The following CAPS2 variants were observed in gnomAD, a reference collection of about 807,000 sequenced individuals.
CAPS2 encodes calcyphosine 2, also known as calcyphosin-2.
A neutral mutation model predicts 86.5 loss-of-function variants in CAPS2; 98 were observed. That is an observed-to-expected ratio of 1.13 (90% CI 0.96 to 1.34). CAPS2 has a LOEUF of 1.34. Among genes scored for constraint, CAPS2 ranks in the 40% most tolerant of loss-of-function variants. The pLI is 0.00. For missense variants in CAPS2, 729 were observed against 686.8 expected, an observed-to-expected ratio of 1.06 and a Z score of -0.69; for synonymous variants, 210 against 225.1, an observed-to-expected ratio of 0.93 and a Z score of 0.60.
At chr12:75,347,649 G>T in intron 1 of CAPS2, 1 of 1,607,766 alleles carries the variant, frequency 6.2e-7, no homozygotes, top group Non-Finnish European at 8.5e-7. Flanking sequence ...ATTTTATGTC[G>T]GTTGTGCAGT....
At chr12:75,314,311 C>T (rs1410721012) in intron 6 of CAPS2, among the ~76,000 whole-genome samples, 1 of 151,880 alleles carries the variant, frequency 6.6e-6, no homozygotes, top group African/African-American at 2.4e-5. Context: ...CTTATTTAGC[C>T]TATATTATAG....
chr12:75,285,280 G>C (rs1452338197), intron 14 of CAPS2, among the ~76,000 whole-genome samples, 200 bp from the exon 15 acceptor site: 1 of 152,008 alleles, frequency 6.6e-6, no homozygotes, highest in East Asian at 1.9e-4. Context: ...GTTCTGTAAA[G>C]TTAGGAGCCA....
chr12:75,326,661 A>G (rs2040816321), upstream of CAPS2: 1 of 560,828 alleles, frequency 1.8e-6, no homozygotes, highest in Non-Finnish European at 3.2e-6. Context: ...ACCAATATCA[A>G]CTTTTTATAG....
At position 75,372,802 on chromosome 12, in the gene CAPS2, T is replaced by C. The variant is rs146929227; in HGVS notation, c.-395+18036A>G. Among the ~76,000 whole-genome samples, 404 of 152,344 alleles carry C rather than the reference T, an allele frequency of 2.7e-3. 2 individuals carry two copies. The highest frequency in any genetic ancestry group is 9.4e-3 in the African/African-American group (392 of 41,582). On this transcript the variant is annotated intron_variant, in intron 1 of 5. Coordinates refer to the CAPS2 transcript ENST00000551829. ...TGGGGAACACGGTAAGACCAGTGAATTCCATGAGCATGAGCCCACTGTTGC... is the reference window on the plus strand; with the variant it reads ...TGGGGAACACGGTAAGACCAGTGAACTCCATGAGCATGAGCCCACTGTTGC...
chr12:75,379,071 TTAA>T (rs36004811), intron 1 of CAPS2, among the ~76,000 whole-genome samples: 1,746 of 152,348 alleles, frequency 0.011, 26 homozygotes, highest in Non-Finnish European at 0.013. Context: ...AACATTTTCA[TTAA>T]TAATTAAAAC....
chr12:75,388,493 G>A (rs1366169936), intron 1 of CAPS2, among the ~76,000 whole-genome samples: 1 of 152,120 alleles, frequency 6.6e-6, no homozygotes, highest in African/African-American at 2.4e-5. Flanking sequence ...GAAAAGACAT[G>A]GAAGAAATTT....
intron 1 of CAPS2, among the ~76,000 whole-genome samples, chr12:75,379,532 C>G (rs1476353922): frequency 2.0e-5 from 3 of 152,064 alleles, no homozygotes; most frequent in African/African-American, 7.2e-5. Context: ...TTTAAGTAAC[C>G]CTCCTATTTC....
At chr12:75,334,918 G>C (rs769827041), upstream of CAPS2, 86 of 1,609,786 alleles carry the variant, frequency 5.3e-5, 1 homozygote, top group South Asian at 6.5e-4. Flanking sequence ...AAAGAACCAG[G>C]GCTGGGCTCT....
chr12:75,280,712 T>A (rs1328184658), intron 16 of CAPS2, among the ~76,000 whole-genome samples: 1 of 151,912 alleles, frequency 6.6e-6, no homozygotes, highest in Admixed American at 6.6e-5. Context: ...CTGTAGTTTA[T>A]TTAATGTTAT....
At chr12:75,306,056 C>G (rs940810834) in intron 7 of CAPS2, 13 of 1,465,450 alleles carry the variant, frequency 8.9e-6, no homozygotes, top group East Asian at 4.6e-5. Context: ...GAGACAGCGC[C>G]GTCTAGAACG....
At chr12:75,301,041 A>G (rs2037752348) in intron 8 of CAPS2, among the ~76,000 whole-genome samples, 1 of 152,210 alleles carries the variant, frequency 6.6e-6, no homozygotes, top group Non-Finnish European at 1.5e-5. Context: ...TTCAGACAGT[A>G]CTGAATGATC....
chr12:75,304,880 T>A lies in CAPS2; in HGVS notation c.660-4A>T. ...CTCTGGATCACTGATGACAGCCCTA[T>A]ACAGGAAAATAAAAAGTCCAACAAT... is the stretch of plus-strand genomic sequence containing the variant. On this transcript the variant is annotated splice_region_variant and splice_polypyrimidine_tract_variant and intron_variant, in intron 7 of 16. Coordinates refer to ENST00000393284, the Ensembl canonical transcript of CAPS2. 1.2e-6 allele frequency: 2 copies of A among 1,603,442 alleles called. No individual in the cohort carries two copies.
At chr12:75,325,269 G>A in exon 2 of CAPS2, 2 of 1,548,288 alleles carry the variant, frequency 1.3e-6, no homozygotes, top group Admixed American at 2.0e-5. Flanking sequence ...GTTTGTCCAT[G>A]ACTCAGAAGT....
At chr12:75,355,570 T>C (rs1284510254) in intron 1 of CAPS2, among the ~76,000 whole-genome samples, 4 of 152,160 alleles carry the variant, frequency 2.6e-5, no homozygotes, top group African/African-American at 9.7e-5. Context: ...GACACTATGG[T>C]AATTCCTCAA....
upstream of CAPS2, among the ~76,000 whole-genome samples, chr12:75,328,945 G>A (rs1218908734): frequency 6.6e-6 from 1 of 152,222 alleles, no homozygotes; most frequent in Non-Finnish European, 1.5e-5. Context: ...TGGAATTAGA[G>A]CAGTCAGGCA....
Position 75,376,788 on chromosome 12 carries a change from AG to A in CAPS2, c.-395+14049del, listed in dbSNP as rs1216094391. Among the ~76,000 whole-genome samples, 6 of 152,272 alleles carry A rather than the reference AG, an allele frequency of 3.9e-5. No homozygotes were observed. The East Asian group carries it at 1.2e-3, about 29-fold the overall frequency. Reference sequence around the variant, plus strand: ...AGGCTGAGCGTGCACCTTTCATTGCAGGTCAGCCACTCGCATGATAAGAGCT... The same window carrying A: ...AGGCTGAGCGTGCACCTTTCATTGCAGTCAGCCACTCGCATGATAAGAGCT... On this transcript the variant is annotated intron_variant, in intron 1 of 5. Transcript: ENST00000551829.
intron 1 of CAPS2, among the ~76,000 whole-genome samples, chr12:75,367,902 C>T (rs1187091868): frequency 1.3e-5 from 2 of 152,068 alleles, no homozygotes; most frequent in Non-Finnish European, 2.9e-5. Context: ...AATGTTTCAC[C>T]ATTGTGTATG....
rs557661035 is a variant in CAPS2, at chr12:75,282,473, G to A, written c.1516-126C>T. 2.9e-4 allele frequency: 186 copies of A among 639,358 alleles called. 1 individual carries two copies. Among genetic ancestry groups the A allele is most frequent in the South Asian group, 2.9e-3 (160 of 55,534 alleles). 39.6% of individuals were successfully genotyped at this position (639,358 alleles called of 1,614,324 possible). On this transcript the variant is annotated intron_variant, in intron 15 of 16. Transcript: ENST00000393284. ...GTGATCTCAGCTCACTGCAATCTCC[G>A]CCTCCCAGGTTCAAGTGTTTCTCCT...
Position 75,282,240 on chromosome 12 carries a change from C to T in CAPS2, c.1612+11G>A, listed in dbSNP as rs751969624. 15 of 1,404,466 alleles carry T rather than the reference C, an allele frequency of 1.1e-5. No homozygotes were observed. The highest frequency in any genetic ancestry group is 1.8e-4 in the Middle Eastern group (1 of 5,642). The allele number at this position is 1,404,466 out of a possible 1,614,324, so 87.0% of individuals were successfully genotyped here. A position where few individuals can be genotyped will look rare whatever the true frequency, so the allele number is the denominator to read the frequency against. On this transcript the variant is annotated intron_variant, in intron 16 of 16. Coordinates refer to ENST00000393284, the Ensembl canonical transcript of CAPS2. ...TTCAAAGTCCAATGCATTTTAACTCCGAATAATTACCTGAAATTACTTGAG... is the reference window on the plus strand; with the variant it reads ...TTCAAAGTCCAATGCATTTTAACTCTGAATAATTACCTGAAATTACTTGAG...
Sources: gnomAD v4.1 joint callset for allele counts (sites outside exome capture counted in the v4.1 genomes callset) on GRCh38, gnomAD v4.1.1 for gene constraint, MANE v1.5 for transcripts, NCBI Gene and HGNC (gene_info 2026-07-23, HGNC 2026-07-21) for gene names.